The following SCD5 variants were observed in gnomAD, a reference collection of about 807,000 sequenced individuals.
The protein encoded by SCD5 is acyl-CoA-desaturase 4.
SCD5 carries 20 observed loss-of-function variants against 30.4 expected under a neutral mutation model. The observed-to-expected ratio is 0.66, with a 90% CI of 0.46 to 0.96. The LOEUF (loss-of-function observed/expected upper bound fraction) is 0.96, where lower values mean the gene tolerates loss of function less well. SCD5 is among the 40% of genes least tolerant of loss of function. The pLI is 0.00. For missense variants in SCD5, 381 were observed against 443.3 expected, an observed-to-expected ratio of 0.86 and a Z score of 1.26; for synonymous variants, 173 against 176.4, an observed-to-expected ratio of 0.98 and a Z score of 0.16.
chr4:82,693,871 C>A (rs927965530), intron 2 of SCD5, among the ~76,000 whole-genome samples: 3 of 152,202 alleles, frequency 2.0e-5, no homozygotes, highest in Non-Finnish European at 4.4e-5. Context: ...TGGGAAGAGT[C>A]CTTTTACTCT....
At chr4:82,673,104 G>A (rs936282511) in intron 3 of SCD5, among the ~76,000 whole-genome samples, 4 of 151,964 alleles carry the variant, frequency 2.6e-5, no homozygotes, top group African/African-American at 9.7e-5. Context: ...TCTAAGATGA[G>A]GAAAAAGGCA....
At chr4:82,705,130 A>C (rs1032161739) in intron 2 of SCD5, among the ~76,000 whole-genome samples, 153 bp downstream of exon 2, 2 of 152,262 alleles carry the variant, frequency 1.3e-5, no homozygotes, top group African/African-American at 4.8e-5. Flanking sequence ...TAAAAGCTAC[A>C]AAGAGATAAA....
intron 1 of SCD5, among the ~76,000 whole-genome samples, chr4:82,711,847 C>T (rs1039135976): frequency 2.6e-5 from 4 of 151,882 alleles, no homozygotes; most frequent in South Asian, 2.1e-4. Context: ...CTTGATTCTT[C>T]GCACCTCTCT....
chr4:82,692,704 G>A (rs1475503726), intron 2 of SCD5, among the ~76,000 whole-genome samples: 1 of 152,210 alleles, frequency 6.6e-6, no homozygotes, highest in East Asian at 1.9e-4. Context: ...TAAGGTGATG[G>A]AAAAGGCAAG....
Position 82,798,760 on chromosome 4 carries a change from C to G in SCD5, c.-223G>C, listed in dbSNP as rs1186746219. 1 of 533,906 alleles carries G rather than the reference C, an allele frequency of 1.9e-6. No homozygotes were observed. Among genetic ancestry groups the G allele is most frequent in the Non-Finnish European group, 3.3e-6 (1 of 305,952 alleles). 33.1% of individuals were successfully genotyped at this position (533,906 alleles called of 1,614,324 possible). A position where few individuals can be genotyped will look rare whatever the true frequency, so the allele number is the denominator to read the frequency against. On this transcript the variant is annotated 5_prime_UTR_variant, in exon 1 of 5. Transcript: ENST00000319540. Reference sequence around the variant, plus strand: ...CGGCCGGCGTCTGTTGCTGGCGTATCCCCCATATGGCTGCCCGGGCTGAAC... The same window carrying G: ...CGGCCGGCGTCTGTTGCTGGCGTATGCCCCATATGGCTGCCCGGGCTGAAC...
intron 2 of SCD5, chr4:82,692,501 G>A (rs1719561369): frequency 6.6e-6 from 1 of 152,506 alleles, no homozygotes; most frequent in South Asian, 2.0e-4. Flanking sequence ...ATGTGTGACT[G>A]CCAGCTGGCG....
At chr4:82,761,811 A>G (rs1016370711) in intron 1 of SCD5, among the ~76,000 whole-genome samples, 2 of 149,486 alleles carry the variant, frequency 1.3e-5, no homozygotes, top group African/African-American at 5.0e-5. Context: ...ATTCCCACCT[A>G]TGAGTGAGAA....
intron 1 of SCD5, among the ~76,000 whole-genome samples, chr4:82,746,077 C>T (rs932835561): frequency 5.9e-5 from 9 of 152,212 alleles, no homozygotes; most frequent in Non-Finnish European, 8.8e-5. Context: ...TATGAGTTTT[C>T]ATTTTTCTTA....
chr4:82,702,009 G>T (rs1719854595), intron 2 of SCD5, among the ~76,000 whole-genome samples: 1 of 152,024 alleles, frequency 6.6e-6, no homozygotes, highest in African/African-American at 2.4e-5. Context: ...CACCCTACTG[G>T]CAAGGAAGGA....
At chr4:82,665,043 C>T (rs1159938455) in intron 3 of SCD5, among the ~76,000 whole-genome samples, 4 of 14,824 alleles carry the variant, frequency 2.7e-4, no homozygotes, top group Non-Finnish European at 1.1e-4. Flanking sequence ...CACACACACA[C>T]ACATATATAC....
At chr4:82,750,640 C>CAA (rs796212996) in intron 1 of SCD5, among the ~76,000 whole-genome samples, 152 of 132,142 alleles carry the variant, frequency 1.2e-3, no homozygotes, top group African/African-American at 4.0e-3. Context: ...CTGCTTGTAG[C>CAA]AAAAAAAAAA....
chr4:82,698,279 A>G (rs1719740182), intron 2 of SCD5, among the ~76,000 whole-genome samples: 1 of 152,140 alleles, frequency 6.6e-6, no homozygotes, highest in Non-Finnish European at 1.5e-5. Context: ...AGGATTCCTG[A>G]GCTGCACTAA....
At position 82,707,057 on chromosome 4, in the gene SCD5, T is replaced by C. The variant is rs551217058; in HGVS notation, c.233-1644A>G. ...TTTGACAGTGCTAATTCTCTGTTCT[T>C]AATTTCTCTTCTATGATCCTTGTGG... is the stretch of plus-strand genomic sequence containing the variant. On this transcript the variant is annotated intron_variant, in intron 1 of 4. Transcript: ENST00000319540. 9.5e-4 allele frequency among the ~76,000 whole-genome samples: 144 copies of C among 152,260 alleles called. 6 individuals carry two copies. The highest frequency in any genetic ancestry group is 8.7e-4 in the Non-Finnish European group (59 of 68,050).
In SCD5 at chr4:82,795,809, C is replaced by CAAAAAAAAAA. The variant is rs72115040; in HGVS notation, c.232+2487_232+2496dup. On this transcript the variant is annotated intron_variant, in intron 1 of 4. Transcript: ENST00000319540. The stretch of plus-strand genomic sequence containing the variant: ...TGCACTCCAGCAAGACCCTGTCTCA[C>CAAAAAAAAAA]AAAAAAAAAAAAAAAAAAAAAAAAA... Among the ~76,000 whole-genome samples the CAAAAAAAAAA allele has an allele frequency of 4.1e-4, 18 of 43,906 alleles. 4 individuals are homozygous for CAAAAAAAAAA. The highest frequency in any genetic ancestry group is 1.5e-3 in the African/African-American group (17 of 11,420). 28.8% of individuals were successfully genotyped at this position (43,906 alleles called of 152,430 possible). A position where few individuals can be genotyped will look rare whatever the true frequency, so the allele number is the denominator to read the frequency against.
At chr4:82,688,710 T>C (rs1728764328) in intron 2 of SCD5, among the ~76,000 whole-genome samples, 1 of 152,132 alleles carries the variant, frequency 6.6e-6, no homozygotes, top group Non-Finnish European at 1.5e-5. Context: ...ACATAGGTCT[T>C]AGAGGCTGGG....
intron 1 of SCD5, among the ~76,000 whole-genome samples, chr4:82,778,549 C>A (rs1190310313): frequency 3.3e-5 from 5 of 152,206 alleles, no homozygotes; most frequent in Non-Finnish European, 7.3e-5. Context: ...TGGGCCTCAA[C>A]CTGTGAGCTG....
chr4:82,734,742 T>C (rs1354909752), intron 1 of SCD5, among the ~76,000 whole-genome samples: 1 of 151,126 alleles, frequency 6.6e-6, no homozygotes, highest in Non-Finnish European at 1.5e-5. Flanking sequence ...AAGCCTATAG[T>C]CAATATTTAT....
rs1369034955 is a variant in SCD5 at position 82,631,404 on chromosome 4, G to T, written c.916C>A (p.Leu306Met). Residue 306 changes from leucine (L) to methionine (M), a missense_variant, in exon 5 of 5, where the codon CTG (leucine) becomes ATG (methionine). By Grantham distance (15) the Leu-to-Met change is conservative (BLOSUM62 2). Transcript: ENST00000319540. ...GTTGCCCGTTTGCGGTCAGTGGCCA[G>T]CCCCAGCCAGCACATGAAATCAATG... The part of the protein sequence containing the change: ...WFIDFMCWLG[L>M]ATDRKRATKP... 6.2e-7 allele frequency: 1 copy of T among 1,614,092 alleles called. No homozygotes were observed. Among genetic ancestry groups the T allele is most frequent in the Non-Finnish European group, 8.5e-7 (1 of 1,180,032 alleles).
intron 3 of SCD5, among the ~76,000 whole-genome samples, chr4:82,645,003 C>T (rs914427683): frequency 2.0e-5 from 3 of 152,144 alleles, no homozygotes; most frequent in Non-Finnish European, 4.4e-5. Context: ...GGAGAAGGTG[C>T]CTAAACTCAT....
Sources: allele counts gnomAD v4.1 joint callset (sites outside exome capture counted in the v4.1 genomes callset), GRCh38; gene constraint gnomAD v4.1.1; transcripts MANE v1.5; gene names NCBI Gene and HGNC (gene_info 2026-07-23, HGNC 2026-07-21).